Variants in SCARA5 observed in about 807,000 individuals in gnomAD.
The protein encoded by SCARA5 is scavenger receptor class A member 5.
In SCARA5, 45 loss-of-function variants were observed where a neutral mutation model predicts 46.3. The observed-to-expected ratio is 0.97, with a 90% CI of 0.76 to 1.24. The LOEUF is 1.24. Ranked by LOEUF, SCARA5 falls within the 50% of genes most tolerant of loss-of-function variation. The pLI, the probability that SCARA5 is intolerant of heterozygous loss-of-function variation, is 0.00. For missense variants in SCARA5, 680 were observed against 689.0 expected, an observed-to-expected ratio of 0.99 and a Z score of 0.15; for synonymous variants, 333 against 306.5, an observed-to-expected ratio of 1.09 and a Z score of -0.90.
chr8:27,968,725 G>GA (rs1338957426), intron 2 of SCARA5, among the ~76,000 whole-genome samples: 1 of 152,204 alleles, frequency 6.6e-6, no homozygotes, highest in African/African-American at 2.4e-5. Context: ...ATAGGAGGAG[G>GA]AAAATCACAC....
At chr8:27,990,934 C>T (rs1808778425) in intron 1 of SCARA5, among the ~76,000 whole-genome samples, 1 of 152,254 alleles carries the variant, frequency 6.6e-6, no homozygotes, top group Non-Finnish European at 1.5e-5. Flanking sequence ...CAGACAATTT[C>T]ACCCAAGGCA....
chr8:27,940,159 A>G (rs1236046529), intron 3 of SCARA5, among the ~76,000 whole-genome samples: 3 of 152,208 alleles, frequency 2.0e-5, no homozygotes, highest in Non-Finnish European at 4.4e-5. Flanking sequence ...AGCTCTCCCC[A>G]CTGGTGATTT....
intron 3 of SCARA5, 32 bp from the exon 4 acceptor site, chr8:27,922,277 C>G: frequency 6.8e-7 from 1 of 1,477,386 alleles, no homozygotes; most frequent in Non-Finnish European, 9.0e-7. Context: ...GACTTGAGCA[C>G]CGCTGGGGAG....
chr8:27,941,100 A>T (rs188308905), intron 3 of SCARA5, among the ~76,000 whole-genome samples: 3 of 141,280 alleles, frequency 2.1e-5, no homozygotes, highest in Non-Finnish European at 4.5e-5. Flanking sequence ...TCATATAGTT[A>T]AAAAAAAAAC....
intron 2 of SCARA5, among the ~76,000 whole-genome samples, chr8:27,974,219 G>A (rs774675369): frequency 4.6e-5 from 7 of 152,126 alleles, no homozygotes; most frequent in Non-Finnish European, 8.8e-5. Context: ...GGAAGTCAAC[G>A]CAAAGCCTGC....
At chr8:27,899,279 G>A (rs1388148630) in intron 7 of SCARA5, among the ~76,000 whole-genome samples, 1 of 152,228 alleles carries the variant, frequency 6.6e-6, no homozygotes, top group South Asian at 2.1e-4. Context: ...AGCTGGGGTT[G>A]GGGCATTGGT....
intron 3 of SCARA5, among the ~76,000 whole-genome samples, chr8:27,928,106 T>G (rs1388523829): frequency 6.6e-6 from 1 of 152,196 alleles, no homozygotes; most frequent in Non-Finnish European, 1.5e-5. Context: ...CAGAAGAGAA[T>G]TATGTCCTTC....
At chr8:27,904,150 C>T (rs932742682) in intron 7 of SCARA5, among the ~76,000 whole-genome samples, 1 of 152,136 alleles carries the variant, frequency 6.6e-6, no homozygotes, top group African/African-American at 2.4e-5. Flanking sequence ...GGTGGTCTGC[C>T]GGATCGCAAG....
At chr8:27,962,341 G>C (rs373438964) in intron 3 of SCARA5, among the ~76,000 whole-genome samples, 51 of 152,124 alleles carry the variant, frequency 3.4e-4, no homozygotes, top group African/African-American at 1.2e-3. Flanking sequence ...CAAATTCCTC[G>C]AGGAACACAT....
chr8:27,964,233 G>T (rs916292260), intron 3 of SCARA5, among the ~76,000 whole-genome samples: 18 of 152,124 alleles, frequency 1.2e-4, no homozygotes, highest in Non-Finnish European at 4.4e-5. Context: ...CTCCCCCAGA[G>T]GCCAGCATGA....
intron 8 of SCARA5, among the ~76,000 whole-genome samples, chr8:27,878,406 T>C (rs1330858415): frequency 6.6e-6 from 1 of 152,126 alleles, no homozygotes; most frequent in East Asian, 1.9e-4. Context: ...GGGACCATTG[T>C]TTTAGTTGTG....
chr8:27,927,401 C>T (rs545367480), intron 3 of SCARA5, among the ~76,000 whole-genome samples: 6 of 152,314 alleles, frequency 3.9e-5, no homozygotes, highest in Admixed American at 1.3e-4. Flanking sequence ...AGGGAAAATT[C>T]TTCCAGTGTC....
chr8:27,938,819 T>C (rs1003863112), intron 3 of SCARA5, among the ~76,000 whole-genome samples: 2 of 152,174 alleles, frequency 1.3e-5, no homozygotes, highest in African/African-American at 2.4e-5. Context: ...CATCGTAAAC[T>C]AGTAACTCCT....
intron 1 of SCARA5, among the ~76,000 whole-genome samples, chr8:27,990,826 G>A (rs1808777267): frequency 6.6e-6 from 1 of 152,252 alleles, no homozygotes; most frequent in Non-Finnish European, 1.5e-5. Flanking sequence ...GAAGCCCAAG[G>A]AGACTGGACC....
chr8:27,959,144 A>C (rs1214457611), intron 3 of SCARA5, among the ~76,000 whole-genome samples: 1 of 152,158 alleles, frequency 6.6e-6, no homozygotes, highest in African/African-American at 2.4e-5. Context: ...GAGGCAGGAG[A>C]ATCGCTTGAA....
At chr8:27,946,794 C>A (rs1037351335) in intron 3 of SCARA5, among the ~76,000 whole-genome samples, 25 of 152,144 alleles carry the variant, frequency 1.6e-4, no homozygotes, top group African/African-American at 5.3e-4. Flanking sequence ...GGAATGCCCC[C>A]CTTTCTGATT....
intron 7 of SCARA5, among the ~76,000 whole-genome samples, chr8:27,900,072 A>G (rs927982101): frequency 2.0e-5 from 3 of 151,862 alleles, no homozygotes; most frequent in Admixed American, 6.6e-5. Context: ...CAGGAGGCGG[A>G]GGTTGCAGTG....
At chr8:27,936,632 TGGA>T (rs1222308442) in intron 3 of SCARA5, among the ~76,000 whole-genome samples, 3 of 98,686 alleles carry the variant, frequency 3.0e-5, no homozygotes, top group Non-Finnish European at 6.2e-5. Flanking sequence ...CTTCACCCAC[TGGA>T]ATGGTGGATT....
chr8:27,918,488 G>A (rs1189924692), intron 4 of SCARA5, among the ~76,000 whole-genome samples: 1 of 127,928 alleles, frequency 7.8e-6, no homozygotes, highest in Admixed American at 8.7e-5. Flanking sequence ...GATTTGGGTG[G>A]GCGAGGAGGA....
Sources: allele counts gnomAD v4.1 joint callset (sites outside exome capture counted in the v4.1 genomes callset), GRCh38; gene constraint gnomAD v4.1.1; transcripts MANE v1.5; gene names NCBI Gene and HGNC (gene_info 2026-07-23, HGNC 2026-07-21).